The following LRMDA variants were observed in gnomAD, a reference collection of about 807,000 sequenced individuals.
LRMDA encodes the protein leucine-rich melanocyte differentiation-associated protein.
In LRMDA, 18 loss-of-function variants were observed where a neutral mutation model predicts 29.8. That is an observed-to-expected ratio of 0.60 (90% CI 0.42 to 0.90). The LOEUF is 0.90. Ranked by LOEUF, LRMDA falls within the 40% of genes least tolerant of loss-of-function variation. LRMDA has a pLI of 0.00. For missense variants in LRMDA, 273 were observed against 273.9 expected (o/e 1.00, Z 0.02); for synonymous variants, 125 against 109.4 (o/e 1.14, Z -0.89).
At chr10:75,782,552 AG>A (rs1278180884) in intron 2 of LRMDA, among the ~76,000 whole-genome samples, 1 of 152,150 alleles carries the variant, frequency 6.6e-6, no homozygotes, top group African/African-American at 2.4e-5. Context: ...AGCGGAAAGG[AG>A]GCCGGTACTT....
intron 2 of LRMDA, among the ~76,000 whole-genome samples, chr10:75,868,000 AT>A (rs1015956671): frequency 1.3e-5 from 2 of 151,940 alleles, no homozygotes; most frequent in Admixed American, 1.3e-4. Context: ...TCCTCTTTTG[AT>A]TTTTTTTAAC....
chr10:76,447,808 T>G (rs1178045041), intron 6 of LRMDA, among the ~76,000 whole-genome samples: 2 of 152,190 alleles, frequency 1.3e-5, no homozygotes, highest in Non-Finnish European at 2.9e-5. Flanking sequence ...GCCTTCTCTT[T>G]GCCTTTGTCT....
At chr10:76,449,358 T>A (rs1429121342) in intron 6 of LRMDA, among the ~76,000 whole-genome samples, 1 of 151,904 alleles carries the variant, frequency 6.6e-6, no homozygotes, top group Non-Finnish European at 1.5e-5. Flanking sequence ...CCTTTATATC[T>A]TCATTGCAGA....
chr10:76,315,199 T>C (rs1306674716), intron 5 of LRMDA, among the ~76,000 whole-genome samples: 1 of 152,372 alleles, frequency 6.6e-6, no homozygotes, highest in African/African-American at 2.4e-5. Flanking sequence ...GTACTTGTGA[T>C]GGCAGCGGCG....
At chr10:75,591,518 G>A (rs1014073781) in intron 2 of LRMDA, among the ~76,000 whole-genome samples, 4 of 152,052 alleles carry the variant, frequency 2.6e-5, no homozygotes, top group African/African-American at 7.2e-5. Context: ...AGTTTCCTTC[G>A]TCTTTGTACT....
At chr10:76,305,028 T>G (rs1232241557) in intron 5 of LRMDA, among the ~76,000 whole-genome samples, 1 of 152,182 alleles carries the variant, frequency 6.6e-6, no homozygotes, top group Non-Finnish European at 1.5e-5. Context: ...GGCCCCAGTT[T>G]CCTTGTGAAT....
intron 2 of LRMDA, among the ~76,000 whole-genome samples, chr10:75,674,284 G>C (rs188299581): frequency 1.3e-5 from 2 of 152,248 alleles, no homozygotes; most frequent in Admixed American, 1.3e-4. Flanking sequence ...GCAGATTTTA[G>C]GAACATCTGG....
At chr10:76,540,738 T>G (rs1843344690) in intron 6 of LRMDA, among the ~76,000 whole-genome samples, 1 of 152,216 alleles carries the variant, frequency 6.6e-6, no homozygotes, top group East Asian at 1.9e-4. Context: ...CTGGGTTGCC[T>G]CTTTATTTTT....
rs560317345 is a variant in LRMDA, at chr10:76,410,368, G to T, written c.601+85883G>T. Among the ~76,000 whole-genome samples the T allele has an allele frequency of 3.0e-4, 41 of 138,292 alleles. 1 individual carries two copies. In the South Asian group the frequency reaches 9.5e-3, roughly 32 times the overall value. The allele number at this position is 138,292 out of a possible 152,430, so 90.7% of individuals were successfully genotyped here. A position where few individuals can be genotyped will look rare whatever the true frequency, so the allele number is the denominator to read the frequency against. ...CTGTGACCCAGGCTGGAGTGCAGTG[G>T]TGCAACCATGGCTCGCTGCAGTATC... On this transcript the variant is annotated intron_variant, in intron 6 of 6. Transcript: ENST00000611255.
At chr10:75,674,411 A>G (rs1841936743) in intron 2 of LRMDA, among the ~76,000 whole-genome samples, 1 of 152,158 alleles carries the variant, frequency 6.6e-6, no homozygotes, top group Admixed American at 6.5e-5. Flanking sequence ...CCAATTTCTT[A>G]TATCTCATCC....
At chr10:76,001,502 T>C (rs879866468) in intron 2 of LRMDA, among the ~76,000 whole-genome samples, 4 of 152,156 alleles carry the variant, frequency 2.6e-5, no homozygotes, top group African/African-American at 9.7e-5. Flanking sequence ...TAAGAGTAAA[T>C]TCATTATGGC....
At chr10:75,738,351 C>T (rs974490088) in intron 2 of LRMDA, among the ~76,000 whole-genome samples, 2 of 152,160 alleles carry the variant, frequency 1.3e-5, no homozygotes, top group African/African-American at 4.8e-5. Context: ...CTCTCTGCCA[C>T]TCTTTGGTTT....
chr10:75,571,030 AAG>A (rs1366917482), intron 2 of LRMDA, among the ~76,000 whole-genome samples: 2 of 152,178 alleles, frequency 1.3e-5, no homozygotes, highest in Non-Finnish European at 2.9e-5. Context: ...ACATAGCCTG[AAG>A]AGAGAGAGTT....
chr10:76,200,231 T>C (rs1365026615), intron 5 of LRMDA, among the ~76,000 whole-genome samples: 1 of 152,208 alleles, frequency 6.6e-6, no homozygotes, highest in East Asian at 1.9e-4. Context: ...ACTCAAGTGC[T>C]GGGATGACAG....
At chr10:75,645,103 C>A (rs1841500352) in intron 2 of LRMDA, among the ~76,000 whole-genome samples, 1 of 151,886 alleles carries the variant, frequency 6.6e-6, no homozygotes, top group Non-Finnish European at 1.5e-5. Context: ...CTTCCTCAGT[C>A]TCCTGAGTAG....
At chr10:75,829,000 C>G (rs1171113382) in intron 2 of LRMDA, among the ~76,000 whole-genome samples, 1 of 152,120 alleles carries the variant, frequency 6.6e-6, no homozygotes, top group Non-Finnish European at 1.5e-5. Flanking sequence ...TGCAGCCAGT[C>G]AAGGTGAAGG....
At chr10:76,185,514 G>A (rs533808650) in intron 5 of LRMDA, among the ~76,000 whole-genome samples, 5 of 152,248 alleles carry the variant, frequency 3.3e-5, no homozygotes, top group African/African-American at 1.2e-4. Flanking sequence ...CACAAATATT[G>A]TTATTATGAT....
At chr10:75,901,008 T>C (rs541719965) in intron 2 of LRMDA, among the ~76,000 whole-genome samples, 1 of 152,236 alleles carries the variant, frequency 6.6e-6, no homozygotes, top group East Asian at 1.9e-4. Flanking sequence ...ATCCCCTACG[T>C]AGAGCCAGCT....
At chr10:76,228,054 G>A (rs761435222) in intron 5 of LRMDA, among the ~76,000 whole-genome samples, 52 of 149,146 alleles carry the variant, frequency 3.5e-4, no homozygotes, top group Non-Finnish European at 7.0e-4. Context: ...ACAGAGTCTC[G>A]CTCTGTTGCT....
Sources: gnomAD v4.1 joint callset for allele counts (sites outside exome capture counted in the v4.1 genomes callset) on GRCh38, gnomAD v4.1.1 for gene constraint, MANE v1.5 for transcripts, NCBI Gene and HGNC (gene_info 2026-07-23, HGNC 2026-07-21) for gene names.